The following FHIT variants were observed in gnomAD, a reference collection of about 807,000 sequenced individuals.
FHIT encodes the protein bis(5'-adenosyl)-triphosphatase.
Under a neutral mutation model 17.9 loss-of-function variants are expected in FHIT, and 19 were observed. The observed-to-expected ratio is 1.06, with a 90% confidence interval of 0.74 to 1.56. The LOEUF is 1.56. Ranked by LOEUF, FHIT falls within the 40% of genes most tolerant of loss-of-function variation. The pLI is 0.00. For missense variants in FHIT, 248 were observed against 189.2 expected (o/e 1.31, Z -1.82); for synonymous variants, 81 against 69.7 (o/e 1.16, Z -0.81).
intron 8 of FHIT, among the ~76,000 whole-genome samples, chr3:59,775,154 C>G (rs1027731422): frequency 1.3e-5 from 2 of 152,134 alleles, no homozygotes; most frequent in Non-Finnish European, 2.9e-5. Flanking sequence ...TGTTTGGACC[C>G]CCTAATTCCA....
At chr3:61,208,638 C>T (rs1175911880) in intron 1 of FHIT, among the ~76,000 whole-genome samples, 1 of 151,880 alleles carries the variant, frequency 6.6e-6, no homozygotes, top group Non-Finnish European at 1.5e-5. Flanking sequence ...GATTGCAAAC[C>T]CTGCCTTTTT....
intron 3 of FHIT, among the ~76,000 whole-genome samples, chr3:60,991,875 C>A (rs1379690440): frequency 1.3e-5 from 2 of 152,142 alleles, no homozygotes; most frequent in African/African-American, 4.8e-5. Flanking sequence ...CTACTCTGAT[C>A]ATTCAGGTGA....
intron 2 of FHIT, among the ~76,000 whole-genome samples, chr3:61,095,546 A>G (rs2035611242): frequency 6.6e-6 from 1 of 152,180 alleles, no homozygotes; most frequent in African/African-American, 2.4e-5. Context: ...CCAATAACAT[A>G]TCCACGAAGA....
intron 8 of FHIT, among the ~76,000 whole-genome samples, chr3:59,773,811 AC>A (rs1702179639): frequency 6.6e-6 from 1 of 152,198 alleles, no homozygotes; most frequent in African/African-American, 2.4e-5. Flanking sequence ...CTCGCCCAGG[AC>A]CTTAGCCATC....
At chr3:60,744,175 G>A (rs2042295382) in intron 4 of FHIT, among the ~76,000 whole-genome samples, 1 of 148,214 alleles carries the variant, frequency 6.7e-6, no homozygotes, top group South Asian at 2.1e-4. Flanking sequence ...GTCCACAGCA[G>A]TCTACTGACG....
chr3:60,076,426 A>C (rs1472358840), intron 5 of FHIT, among the ~76,000 whole-genome samples: 2 of 152,052 alleles, frequency 1.3e-5, no homozygotes, highest in African/African-American at 2.4e-5. Flanking sequence ...GTCTTCCTGG[A>C]TTCCCATTAT....
At chr3:60,690,653 C>G (rs557079825) in intron 4 of FHIT, 1 of 510,512 alleles carries the variant, frequency 2.0e-6, no homozygotes, top group South Asian at 1.5e-5. Flanking sequence ...GCAAACAGCT[C>G]GAAGGAGACG....
At chr3:60,617,764 G>A (rs2038995343) in intron 4 of FHIT, 1 of 153,664 alleles carries the variant, frequency 6.5e-6, no homozygotes, top group Non-Finnish European at 1.4e-5. Context: ...TTATCCAGAT[G>A]TGATCTTTTG....
At chr3:59,946,375 T>C (rs1423118947) in intron 7 of FHIT, among the ~76,000 whole-genome samples, 3 of 152,250 alleles carry the variant, frequency 2.0e-5, no homozygotes, top group African/African-American at 4.8e-5. Context: ...TGATTTTGTA[T>C]GCTGAAACCT....
intron 5 of FHIT, among the ~76,000 whole-genome samples, chr3:60,267,891 T>C (rs995351804): frequency 8.5e-5 from 13 of 152,162 alleles, no homozygotes; most frequent in African/African-American, 3.1e-4. Context: ...TCTAAGAAGC[T>C]ATTATGTGCA....
chr3:60,334,583 C>T (rs776741245), intron 5 of FHIT, among the ~76,000 whole-genome samples: 17 of 152,140 alleles, frequency 1.1e-4, no homozygotes, highest in African/African-American at 2.4e-4. Flanking sequence ...GTCAGGAGCT[C>T]GAGACCAGCA....
chr3:60,535,485 A>T (rs889644651), intron 5 of FHIT, among the ~76,000 whole-genome samples: 6 of 152,184 alleles, frequency 3.9e-5, no homozygotes, highest in Admixed American at 3.9e-4. Context: ...ATAGCAAAAT[A>T]AAATGTTACT....
intron 4 of FHIT, among the ~76,000 whole-genome samples, chr3:60,801,530 T>A (rs1361508025): frequency 6.6e-6 from 1 of 152,236 alleles, no homozygotes; most frequent in Non-Finnish European, 1.5e-5. Flanking sequence ...GGCCTTCACA[T>A]TGGCTCCTGG....
At chr3:59,905,845 T>G (rs1255701004) in intron 8 of FHIT, among the ~76,000 whole-genome samples, 1 of 152,178 alleles carries the variant, frequency 6.6e-6, no homozygotes, top group Admixed American at 6.5e-5. Context: ...ATAGGTAAGT[T>G]TCTATACTTG....
intron 4 of FHIT, among the ~76,000 whole-genome samples, chr3:60,743,876 CTGTT>C (rs2042287964): frequency 6.6e-6 from 1 of 152,196 alleles, no homozygotes; most frequent in Non-Finnish European, 1.5e-5. Flanking sequence ...TCAGCTCGCT[CTGTT>C]TGGCTGGACA....
intron 2 of FHIT, among the ~76,000 whole-genome samples, chr3:61,146,449 A>G (rs981096355): frequency 1.3e-5 from 2 of 152,050 alleles, no homozygotes; most frequent in African/African-American, 2.4e-5. Flanking sequence ...TTTGGACTAT[A>G]AAATCTATGA....
chr3:60,815,361 A>G (rs1553737327), intron 4 of FHIT, among the ~76,000 whole-genome samples: 3 of 152,256 alleles, frequency 2.0e-5, no homozygotes, highest in Non-Finnish European at 4.4e-5. Flanking sequence ...TAGGATTCTC[A>G]TACTTTGAGT....
At chr3:61,186,944 T>C (rs1396406556) in intron 2 of FHIT, among the ~76,000 whole-genome samples, 2 of 152,198 alleles carry the variant, frequency 1.3e-5, no homozygotes, top group Non-Finnish European at 2.9e-5. Context: ...ATGTTTTGCC[T>C]CTTGATGTTT....
intron 5 of FHIT, among the ~76,000 whole-genome samples, chr3:60,242,804 C>T (rs1235642429): frequency 6.6e-6 from 1 of 151,932 alleles, no homozygotes; most frequent in African/African-American, 2.4e-5. Flanking sequence ...TGCTTTCAGT[C>T]CTTCTTCCTC....
Sources: gnomAD v4.1 joint callset for allele counts (sites outside exome capture counted in the v4.1 genomes callset) on GRCh38, gnomAD v4.1.1 for gene constraint, MANE v1.5 for transcripts, NCBI Gene and HGNC (gene_info 2026-07-23, HGNC 2026-07-21) for gene names.